The following SETD4 variants were observed in gnomAD, a reference collection of about 807,000 sequenced individuals.
SETD4 encodes SET domain-containing protein 4.
A neutral mutation model predicts 58.3 loss-of-function variants in SETD4; 46 were observed. The observed-to-expected ratio is 0.79, with a 90% CI of 0.62 to 1.01. The LOEUF (loss-of-function observed/expected upper bound fraction) is 1.01. Among genes scored for constraint, SETD4 ranks in the 50% least tolerant of loss-of-function variants. SETD4 has a pLI of 0.00. For missense variants in SETD4, 490 were observed against 523.3 expected, an observed-to-expected ratio of 0.94 and a Z score of 0.62; for synonymous variants, 190 against 202.6, an observed-to-expected ratio of 0.94 and a Z score of 0.53.
intron 1 of SETD4, 70 bp downstream of exon 1, chr21:36,060,277 C>T (rs907297277): frequency 1.1e-5 from 4 of 355,742 alleles, no homozygotes; most frequent in Non-Finnish European, 1.6e-5. Flanking sequence ...GACTAAGGAA[C>T]GCACCCCGCC....
At chr21:36,053,331 C>T in intron 4 of SETD4, 2 of 545,566 alleles carry the variant, frequency 3.7e-6, no homozygotes, top group East Asian at 6.3e-5. Context: ...CAGCCAGGGT[C>T]AGCCTACTCC....
chr21:36,051,701 TG>T (rs1408226303), intron 4 of SETD4, among the ~76,000 whole-genome samples: 1 of 152,256 alleles, frequency 6.6e-6, no homozygotes, highest in Non-Finnish European at 1.5e-5. Flanking sequence ...CCCTTGCTTT[TG>T]TTTTTGTACA....
intron 5 of SETD4, among the ~76,000 whole-genome samples, chr21:36,047,539 AAGAGAAG>A (rs1177458756): frequency 6.6e-6 from 1 of 152,216 alleles, no homozygotes; most frequent in African/African-American, 2.4e-5. Flanking sequence ...ACTATGATGG[AAGAGAAG>A]AGGCTACTAT....
chr21:36,058,791 A>G (rs1181403631), intron 2 of SETD4, 25 bp downstream of exon 2: 4 of 1,572,168 alleles, frequency 2.5e-6, no homozygotes, highest in Non-Finnish European at 3.4e-6. Context: ...TTTTTTCATT[A>G]CTGGTACTAA....
At chr21:36,053,314 G>GC in intron 4 of SETD4, 1 of 520,310 alleles carries the variant, frequency 1.9e-6, no homozygotes, top group Middle Eastern at 5.3e-4. Context: ...CCATGGGACT[G>GC]CCCCACCAGC....
At chr21:36,055,330 A>G (rs1401892955) in intron 3 of SETD4, among the ~76,000 whole-genome samples, 1 of 152,212 alleles carries the variant, frequency 6.6e-6, no homozygotes, top group East Asian at 1.9e-4. Context: ...TCATTTTCAT[A>G]TTGGATATAC....
At chr21:36,041,715 G>T in intron 8 of SETD4, 92 bp downstream of exon 8, 1 of 808,350 alleles carries the variant, frequency 1.2e-6, no homozygotes. Context: ...ACAGGGTCAG[G>T]AGGGGTCTCA....
chr21:36,059,105 T>C (rs1411368443), intron 1 of SETD4, 181 bp from the exon 2 acceptor site: 2 of 615,846 alleles, frequency 3.2e-6, no homozygotes, highest in African/African-American at 1.9e-5. Context: ...GAAACGTTTA[T>C]ACTGTGAGCT....
intron 2 of SETD4, among the ~76,000 whole-genome samples, 200 bp downstream of exon 2, chr21:36,058,616 G>A (rs368833162): frequency 6.6e-6 from 1 of 152,190 alleles, no homozygotes; most frequent in Non-Finnish European, 1.5e-5. Flanking sequence ...TACTTGGGAG[G>A]CTGAGGCAGG....
chr21:36,039,240 T>C (rs1335372481), intron 9 of SETD4, among the ~76,000 whole-genome samples: 1 of 151,444 alleles, frequency 6.6e-6, no homozygotes, highest in Non-Finnish European at 1.5e-5. Flanking sequence ...ATCCGCATGC[T>C]AGACTCAAAG....
intron 6 of SETD4, among the ~76,000 whole-genome samples, chr21:36,045,263 C>T (rs1000482421): frequency 3.9e-5 from 6 of 152,188 alleles, no homozygotes; most frequent in African/African-American, 1.4e-4. Flanking sequence ...AAGCTTCAGT[C>T]CCGGAAGGAG....
At chr21:36,039,055 G>C (rs547505318) in intron 9 of SETD4, among the ~76,000 whole-genome samples, 1 of 152,062 alleles carries the variant, frequency 6.6e-6, no homozygotes, top group African/African-American at 2.4e-5. Flanking sequence ...ATTAGATTCA[G>C]AACAGCTGGC....
chr21:36,035,918 C>T lies in SETD4; in HGVS notation c.*75G>A. ...TCCTGCATGTCCTGGGGGCAGCCAC[C>T]ACCCCAGCCCATGATGATGCTCTTC... On this transcript the variant is annotated 3_prime_UTR_variant, in exon 12 of 12. Transcript: ENST00000332131. 3.1e-6 allele frequency: 2 copies of T among 649,324 alleles called. No individual in the cohort carries two copies. Among genetic ancestry groups the T allele is most frequent in the Non-Finnish European group, 5.2e-6 (2 of 388,212 alleles). The allele number at this position is 649,324 out of a possible 1,614,324, so 40.2% of individuals were successfully genotyped here. A position where few individuals can be genotyped will look rare whatever the true frequency, so the allele number is the denominator to read the frequency against.
chr21:36,039,064 G>T (rs960531395), intron 9 of SETD4, among the ~76,000 whole-genome samples: 1 of 152,082 alleles, frequency 6.6e-6, no homozygotes, highest in Admixed American at 6.6e-5. Flanking sequence ...AGAACAGCTG[G>T]CAAGACACAG....
intron 4 of SETD4, among the ~76,000 whole-genome samples, chr21:36,052,381 TACTA>T (rs2064745363): frequency 7.1e-6 from 1 of 140,284 alleles, no homozygotes; most frequent in Non-Finnish European, 1.5e-5. Flanking sequence ...ACCCTGTCTC[TACTA>T]AAAAAAAAAA....
rs555144310 is a variant in SETD4 at position 36,057,612 on chromosome 21, T to C, written c.74-408A>G. ...TCCTAATCAAAATTCAAGCAGGCTT[T>C]CATACAGGAATTAACAAGATGATCC... On this transcript the variant is annotated intron_variant, in intron 2 of 11. Transcript: ENST00000332131. 3.4e-5 allele frequency: 14 copies of C among 413,952 alleles called. No individual in the cohort carries two copies. The South Asian group carries it at 5.2e-4, about 15-fold the overall frequency. 25.6% of individuals were successfully genotyped at this position (413,952 alleles called of 1,614,324 possible).
intron 8 of SETD4, among the ~76,000 whole-genome samples, 170 bp downstream of exon 8, chr21:36,041,637 G>C (rs1419002752): frequency 1.3e-5 from 2 of 152,184 alleles, no homozygotes; most frequent in East Asian, 3.9e-4. Flanking sequence ...TACTCCTTTT[G>C]TCCTCCACAA....
intron 4 of SETD4, chr21:36,051,279 C>T: frequency 1.9e-6 from 3 of 1,593,576 alleles, no homozygotes; most frequent in South Asian, 1.1e-5. Context: ...TGACAGTGAC[C>T]CTGAAAGCAT....
In SETD4 at chr21:36,058,150, C is replaced by T. The variant is rs2065081334; in HGVS notation, c.73+666G>A. ...CAATGAGTTAGTTATCTTCACATTC[C>T]CACCAGGATCTAAAAGAATACAATG... On this transcript the variant is annotated intron_variant, in intron 2 of 11. Transcript: ENST00000332131. 2.0e-5 allele frequency among the ~76,000 whole-genome samples: 3 copies of T among 152,222 alleles called. 1 individual carries two copies. The South Asian group carries it at 6.2e-4, about 32-fold the overall frequency.
Sources: gnomAD v4.1 joint callset for allele counts (sites outside exome capture counted in the v4.1 genomes callset) on GRCh38, gnomAD v4.1.1 for gene constraint, MANE v1.5 for transcripts, NCBI Gene and HGNC (gene_info 2026-07-23, HGNC 2026-07-21) for gene names.